Variants in RBM6 observed in about 807,000 individuals in gnomAD.
The protein encoded by RBM6 is RNA binding motif protein 6.
In RBM6, 23 loss-of-function variants were observed where a neutral mutation model predicts 140.4. That is an observed-to-expected ratio of 0.16 (90% CI 0.12 to 0.23). The LOEUF (loss-of-function observed/expected upper bound fraction) is 0.23, where lower values mean the gene tolerates loss of function less well. Among genes scored for constraint, RBM6 ranks in the 10% least tolerant of loss-of-function variants. The pLI is 1.00. For synonymous variants in RBM6, 439 were observed against 475.6 expected (o/e 0.92, Z 1.00); for missense variants, 1,139 against 1,386.7 (o/e 0.82, Z 2.84).
rs977760502 is a variant in RBM6 at position 50,077,211 on chromosome 3, C to T, written c.*78C>T. Reference sequence around the variant, plus strand: ...TCCTTTTCTTTTGTTACTGTTCTTGCTGCTAGAACTTTTTTAAATAAACTT... The same window carrying T: ...TCCTTTTCTTTTGTTACTGTTCTTGTTGCTAGAACTTTTTTAAATAAACTT... On this transcript the variant is annotated 3_prime_UTR_variant, in exon 21 of 21. Coordinates refer to ENST00000266022, the MANE Select transcript of RBM6 (RefSeq NM_005777.3). The T allele has an allele frequency of 7.0e-7, 1 of 1,435,308 alleles. No individual in the cohort carries two copies. Among genetic ancestry groups the T allele is most frequent in the Non-Finnish European group, 9.3e-7 (1 of 1,074,272 alleles). 88.9% of individuals were successfully genotyped at this position (1,435,308 alleles called of 1,614,324 possible).
rs530153893 is a variant in RBM6, at chr3:50,032,257, C to T, written c.1558-15988C>T. 3.8e-4 allele frequency among the ~76,000 whole-genome samples: 58 copies of T among 150,772 alleles called. 1 individual carries two copies. Among genetic ancestry groups the T allele is most frequent in the African/African-American group, 1.1e-3 (44 of 41,032 alleles). ...CAGCACTTTGGGAGGTCGAGGCAGGCGGATCATGAGATCAAGAGATGGAGA... is the reference window on the plus strand; with the variant it reads ...CAGCACTTTGGGAGGTCGAGGCAGGTGGATCATGAGATCAAGAGATGGAGA... On this transcript the variant is annotated intron_variant, in intron 6 of 20. Transcript: ENST00000266022.
At chr3:49,954,397 A>G (rs2083878250) in intron 1 of RBM6, among the ~76,000 whole-genome samples, 2 of 149,770 alleles carry the variant, frequency 1.3e-5, no homozygotes, top group Non-Finnish European at 3.0e-5. Flanking sequence ...CCGAGATTGC[A>G]CCATTGCACT....
intron 5 of RBM6, 22 bp from the exon 6 acceptor site, chr3:49,999,414 CGTCT>C: frequency 6.3e-7 from 1 of 1,592,554 alleles, no homozygotes; most frequent in Non-Finnish European, 8.6e-7. Flanking sequence ...ACACCACTCC[CGTCT>C]GTATTTAAAT....
At chr3:50,029,544 C>G (rs1652281033) in intron 6 of RBM6, among the ~76,000 whole-genome samples, 1 of 151,872 alleles carries the variant, frequency 6.6e-6, no homozygotes, top group South Asian at 2.1e-4. Flanking sequence ...ACCAGCCTAG[C>G]CAATATGGCG....
chr3:50,074,108 C>T (rs762666004), intron 19 of RBM6, among the ~76,000 whole-genome samples: 3 of 151,996 alleles, frequency 2.0e-5, no homozygotes, highest in Admixed American at 2.0e-4. Flanking sequence ...GGATTACAGG[C>T]GTGAGTCACT....
rs146428585 is a variant in RBM6, at chr3:50,036,098, A to G, written c.1558-12147A>G. On this transcript the variant is annotated intron_variant, in intron 6 of 20. Coordinates refer to ENST00000266022, the MANE Select transcript of RBM6 (RefSeq NM_005777.3). ...TTTGGTACAGACCAGGTTTCACTAT[A>G]TTGGCCAGGCTGTTCTCAAACTCCT... Among the ~76,000 whole-genome samples the G allele has an allele frequency of 7.8e-4, 119 of 151,912 alleles. 1 individual carries two copies. Among genetic ancestry groups the G allele is most frequent in the South Asian group, 5.8e-3 (28 of 4,818 alleles).
intron 1 of RBM6, among the ~76,000 whole-genome samples, chr3:49,958,017 AG>A (rs1486554369): frequency 6.6e-6 from 1 of 152,090 alleles, no homozygotes; most frequent in Non-Finnish European, 1.5e-5. Flanking sequence ...TTTTTAGTAG[AG>A]ATGGGGTTTT....
intron 1 of RBM6, among the ~76,000 whole-genome samples, chr3:49,956,029 T>A (rs35491931): frequency 0.22 from 32,717 of 147,286 alleles, 3,850 homozygotes; most frequent in Middle Eastern, 0.28. Flanking sequence ...TGAAAAAAAA[T>A]TTTTTTTTTT....
chr3:49,979,019 C>T (rs1317353470), intron 5 of RBM6, among the ~76,000 whole-genome samples: 2 of 152,124 alleles, frequency 1.3e-5, no homozygotes, highest in African/African-American at 4.8e-5. Context: ...ACTACTCATG[C>T]ACCTAACAAC....
intron 1 of RBM6, among the ~76,000 whole-genome samples, chr3:49,956,624 G>T (rs1251846587): frequency 6.7e-6 from 1 of 149,796 alleles, no homozygotes; most frequent in Admixed American, 6.7e-5. Context: ...AAGCCATCAC[G>T]CCTGGCCCAC....
intron 18 of RBM6, among the ~76,000 whole-genome samples, chr3:50,070,230 C>G (rs986053088): frequency 6.6e-6 from 1 of 152,054 alleles, no homozygotes; most frequent in African/African-American, 2.4e-5. Context: ...TGGCACTCAC[C>G]TGTAGTCCCA....
At chr3:49,948,717 G>GAA (rs1298504771) in intron 1 of RBM6, among the ~76,000 whole-genome samples, 1 of 108,296 alleles carries the variant, frequency 9.2e-6, no homozygotes, top group Non-Finnish European at 2.0e-5. Flanking sequence ...TCTCAAAAAA[G>GAA]AAAAAAAAAA....
At position 50,059,869 on chromosome 3, in the gene RBM6, G is replaced by A. The variant is rs1019515290; in HGVS notation, c.2228+123G>A. 10 of 685,760 alleles carry A rather than the reference G, an allele frequency of 1.5e-5. No individual in the cohort carries two copies. In the Admixed American group the frequency reaches 2.9e-4, roughly 20 times the overall value. 42.5% of individuals were successfully genotyped at this position (685,760 alleles called of 1,614,324 possible). On this transcript the variant is annotated intron_variant, in intron 11 of 20. Transcript: ENST00000266022. ...TTCCTAACATGGACTGCTTCAGATA[G>A]GTGTTTATTACAGTTTCTTTCTGAA... is the stretch of plus-strand genomic sequence containing the variant.
At chr3:50,013,280 G>T (rs898261773) in intron 6 of RBM6, among the ~76,000 whole-genome samples, 1 of 152,158 alleles carries the variant, frequency 6.6e-6, no homozygotes, top group African/African-American at 2.4e-5. Context: ...TCCCCCACTG[G>T]GCTTTGTCAG....
At chr3:50,004,762 G>A (rs949214610) in intron 6 of RBM6, among the ~76,000 whole-genome samples, 4 of 151,920 alleles carry the variant, frequency 2.6e-5, no homozygotes, top group African/African-American at 9.7e-5. Context: ...TGGACTACAG[G>A]CACCTGCCAC....
intron 14 of RBM6, 187 bp downstream of exon 14, chr3:50,061,734 CT>C (rs1249671749): frequency 2.6e-5 from 36 of 1,385,026 alleles, no homozygotes; most frequent in Non-Finnish European, 3.3e-5. Context: ...AAATCAGTGC[CT>C]TGTGGCAATA....
chr3:49,968,664 G>T lies in RBM6; in HGVS notation c.1239G>T (p.Leu413=), dbSNP rs1028141400. The T allele has an allele frequency of 5.0e-6, 8 of 1,613,906 alleles. No individual in the cohort carries two copies. The highest frequency in any genetic ancestry group is 6.8e-6 in the Non-Finnish European group (8 of 1,180,016). The change falls in exon 3 of 21, where the codon CTG becomes CTT. Residue 413 remains leucine (L), a synonymous_variant. Coordinates refer to ENST00000266022, the MANE Select transcript of RBM6 (RefSeq NM_005777.3). ...AGTACCGTGATGTGGATCATAGGCT[G>T]CCAGGAAGCCAGATGTTTGGCTATG... is the stretch of plus-strand genomic sequence containing the variant. The part of the protein sequence containing the change: ...SMEYRDVDHR[L]PGSQMFGYGQ...
chr3:50,058,899 G>C (rs2089827138), intron 10 of RBM6: 1 of 159,580 alleles, frequency 6.3e-6, no homozygotes, highest in Admixed American at 6.1e-5. Flanking sequence ...CTGGGTGACA[G>C]AGCGAGACTC....
At chr3:50,044,675 G>A (rs1257894712) in intron 6 of RBM6, among the ~76,000 whole-genome samples, 1 of 152,094 alleles carries the variant, frequency 6.6e-6, no homozygotes, top group East Asian at 1.9e-4. Context: ...TTTCCTAGGA[G>A]ACACTGACAG....
Sources: allele counts gnomAD v4.1 joint callset (sites outside exome capture counted in the v4.1 genomes callset), GRCh38; gene constraint gnomAD v4.1.1; transcripts MANE v1.5; gene names NCBI Gene and HGNC (gene_info 2026-07-23, HGNC 2026-07-21).